The following RERE variants were observed in gnomAD, a reference collection of about 807,000 sequenced individuals.
RERE encodes arginine-glutamic acid dipeptide repeats protein.
In RERE, 40 loss-of-function variants were observed where a neutral mutation model predicts 146.1. That is an observed-to-expected ratio of 0.27 (90% confidence interval 0.21 to 0.36). RERE has a LOEUF of 0.36. Among genes scored for constraint, RERE ranks in the 10% least tolerant of loss-of-function variants. The probability of loss-of-function intolerance (pLI) is 1.00; values close to 1 mark genes in which losing one functional copy is unlikely to be tolerated. For missense variants in RERE, 1,933 were observed against 2,138.7 expected, an observed-to-expected ratio of 0.90 and a Z score of 1.90; for synonymous variants, 1,003 against 866.0, an observed-to-expected ratio of 1.16 and a Z score of -2.78.
intron 1 of RERE, among the ~76,000 whole-genome samples, chr1:8,732,808 C>CTTTTTTTTTTTTTTTTTT (rs59337140): frequency 1.5e-5 from 1 of 65,696 alleles, no homozygotes; most frequent in African/African-American, 5.5e-5. Context: ...TTCAATTTTT[C>CTTTTTTTTTTTTTTTTTT]TTTTTTTTTT....
chr1:8,567,252 T>C (rs1276494105), intron 4 of RERE, among the ~76,000 whole-genome samples: 2 of 152,208 alleles, frequency 1.3e-5, no homozygotes, highest in Non-Finnish European at 2.9e-5. Flanking sequence ...CAAAAGACTG[T>C]TGTCAAGAGA....
At chr1:8,699,898 T>A (rs1384769899) in intron 1 of RERE, among the ~76,000 whole-genome samples, 2 of 152,062 alleles carry the variant, frequency 1.3e-5, no homozygotes, top group African/African-American at 2.4e-5. Context: ...TCAGCCCCCA[T>A]CTTCTATCAG....
At chr1:8,768,070 T>C (rs1040902905) in intron 1 of RERE, among the ~76,000 whole-genome samples, 4 of 152,152 alleles carry the variant, frequency 2.6e-5, no homozygotes, top group Non-Finnish European at 5.9e-5. Context: ...CTTGAAATAG[T>C]CACAGGCCAT....
intron 12 of RERE, among the ~76,000 whole-genome samples, chr1:8,394,345 T>G (rs1642979999): frequency 6.6e-6 from 1 of 152,222 alleles, no homozygotes; most frequent in East Asian, 1.9e-4. Context: ...TGAGAAATAT[T>G]TCTTGCTTTT....
intron 11 of RERE, among the ~76,000 whole-genome samples, chr1:8,439,013 C>T (rs1269604242): frequency 1.5e-4 from 23 of 152,172 alleles, no homozygotes; most frequent in Admixed American, 1.5e-3. Context: ...ACTGTACTTA[C>T]AGTTCCACCA....
rs369907727 is a variant in RERE, at chr1:8,360,688, G to A, written c.2819C>T (p.Pro940Leu). Reference sequence around the variant, plus strand: ...AGGGTGCTTGTGGGCCTGTGGCGCCGGCAGCTGGGGGATGGGAGTGGTAGG... The same window carrying A: ...AGGGTGCTTGTGGGCCTGTGGCGCCAGCAGCTGGGGGATGGGAGTGGTAGG... ...PPPTTPIPQL[P>L]APQAHKHPPH... Residue 940 changes from proline (P) to leucine (L), a missense_variant, in exon 18 of 23, where the codon CCG (proline) becomes CTG (leucine). Pro to Leu is a moderately conservative substitution (Grantham distance 98). This residue lies in a region of RERE where 1,255 missense variants were observed against 1,153.8 expected (regional missense o/e 1.09). Coordinates refer to ENST00000400908, the MANE Select transcript of RERE (RefSeq NM_001042681.2). 12 of 1,554,310 alleles carry A rather than the reference G, an allele frequency of 7.7e-6. No homozygotes were observed. The highest frequency in any genetic ancestry group is 3.6e-5 in the South Asian group (3 of 82,994).
chr1:8,556,762 T>C (rs932495317), intron 5 of RERE, among the ~76,000 whole-genome samples, 191 bp from the exon 6 acceptor site: 2 of 152,218 alleles, frequency 1.3e-5, no homozygotes, highest in Non-Finnish European at 2.9e-5. Context: ...ACAGTTTTTG[T>C]CAACAAAGTA....
intron 2 of RERE, among the ~76,000 whole-genome samples, chr1:8,626,842 C>T (rs904444741): frequency 6.6e-6 from 1 of 152,204 alleles, no homozygotes; most frequent in Non-Finnish European, 1.5e-5. Flanking sequence ...GACTGTTAAG[C>T]CACTTTTCGC....
At chr1:8,622,498 A>AC (rs1418824775) in intron 3 of RERE, among the ~76,000 whole-genome samples, 10 of 133,872 alleles carry the variant, frequency 7.5e-5, no homozygotes, top group African/African-American at 2.1e-4. Flanking sequence ...AAAAAAAAAA[A>AC]AAAAAAAAAA....
At chr1:8,405,568 T>C (rs563041631) in intron 12 of RERE, among the ~76,000 whole-genome samples, 1 of 152,244 alleles carries the variant, frequency 6.6e-6, no homozygotes, top group Non-Finnish European at 1.5e-5. Context: ...TATTGATATA[T>C]GCCTAGAAAC....
chr1:8,427,775 G>T (rs1311562811), intron 11 of RERE, among the ~76,000 whole-genome samples: 1 of 151,834 alleles, frequency 6.6e-6, no homozygotes, highest in African/African-American at 2.4e-5. Flanking sequence ...TGGTTTACCA[G>T]AAATGTAGAG....
intron 12 of RERE, among the ~76,000 whole-genome samples, chr1:8,420,063 C>T (rs189424732): frequency 2.0e-5 from 3 of 152,222 alleles, no homozygotes; most frequent in Non-Finnish European, 4.4e-5. Context: ...GGTCTGCTGA[C>T]CCTTGCACCA....
intron 8 of RERE, among the ~76,000 whole-genome samples, chr1:8,499,608 C>T (rs1483997412): frequency 1.3e-5 from 2 of 152,222 alleles, no homozygotes; most frequent in Non-Finnish European, 2.9e-5. Context: ...GAGGCAACTG[C>T]ATAGCAAAAC....
At chr1:8,445,974 A>G (rs1460277388) in intron 11 of RERE, among the ~76,000 whole-genome samples, 1 of 152,020 alleles carries the variant, frequency 6.6e-6, no homozygotes, top group Non-Finnish European at 1.5e-5. Context: ...GGTCTTTACA[A>G]TTTGGCATGT....
At chr1:8,666,493 G>A (rs373626011) in intron 1 of RERE, among the ~76,000 whole-genome samples, 2 of 152,150 alleles carry the variant, frequency 1.3e-5, no homozygotes, top group South Asian at 2.1e-4. Context: ...CCCTACAGCT[G>A]GGCGACTTGC....
Position 8,516,227 on chromosome 1 carries a change from G to GGAAAAAAAAAAAA in RERE, c.831-7553_831-7552insTTTTTTTTTTTTC, listed in dbSNP as rs573135224. Among the ~76,000 whole-genome samples, 22 of 52,304 alleles carry GGAAAAAAAAAAAA rather than the reference G, an allele frequency of 4.2e-4. 5 individuals are homozygous for GGAAAAAAAAAAAA. Among genetic ancestry groups the GGAAAAAAAAAAAA allele is most frequent in the African/African-American group, 1.8e-3 (21 of 11,626 alleles). 34.3% of individuals were successfully genotyped at this position (52,304 alleles called of 152,430 possible). A position where few individuals can be genotyped will look rare whatever the true frequency, so the allele number is the denominator to read the frequency against. On this transcript the variant is annotated intron_variant, in intron 7 of 22. Coordinates refer to ENST00000400908, the MANE Select transcript of RERE (RefSeq NM_001042681.2). ...GGGACGGAGCAAGACTCTCTCAGAG[G>GGAAAAAAAAAAAA]AAAAAAAAAAAAAAAAAAAAAATCT...
At chr1:8,784,165 T>C (rs1023706632) in intron 1 of RERE, among the ~76,000 whole-genome samples, 4 of 152,156 alleles carry the variant, frequency 2.6e-5, no homozygotes, top group Admixed American at 1.3e-4. Flanking sequence ...TTCAGGACCT[T>C]TCCACTGACT....
At chr1:8,657,523 G>A (rs931874225) in intron 1 of RERE, among the ~76,000 whole-genome samples, 2 of 151,998 alleles carry the variant, frequency 1.3e-5, no homozygotes, top group Non-Finnish European at 2.9e-5. Flanking sequence ...ACCATTTTCA[G>A]TTATGTTCCA....
At chr1:8,359,002 G>C (rs1641437042) in intron 19 of RERE, 86 bp from the exon 20 acceptor site, 1 of 1,445,908 alleles carries the variant, frequency 6.9e-7, no homozygotes. Flanking sequence ...GCCTGGTCCT[G>C]CTCCTGGCCT....
Sources: gnomAD v4.1 joint callset for allele counts (sites outside exome capture counted in the v4.1 genomes callset) on GRCh38, gnomAD v4.1.1 for gene constraint, gnomAD v4.1.1 regional missense constraint, MANE v1.5 for transcripts, NCBI Gene and HGNC (gene_info 2026-07-23, HGNC 2026-07-21) for gene names.